Variants in C8orf34 observed in about 807,000 individuals in gnomAD.
C8orf34 encodes uncharacterized protein C8orf34.
In C8orf34, 65 loss-of-function variants were observed where a neutral mutation model predicts 68.3. That is an observed-to-expected ratio of 0.95 (90% CI 0.78 to 1.17). The LOEUF (loss-of-function observed/expected upper bound fraction) is 1.17. Among genes scored for constraint, C8orf34 ranks in the 50% most tolerant of loss-of-function variants. C8orf34 has a pLI of 0.00. For missense variants in C8orf34, 664 were observed against 655.4 expected, an observed-to-expected ratio of 1.01 and a Z score of -0.14; for synonymous variants, 244 against 241.2, an observed-to-expected ratio of 1.01 and a Z score of -0.11.
chr8:68,419,652 A>G (rs1400133927), intron 1 of C8orf34, among the ~76,000 whole-genome samples: 3 of 151,928 alleles, frequency 2.0e-5, no homozygotes, highest in East Asian at 3.9e-4. Flanking sequence ...GCAGCCATGA[A>G]AAATGATGAG....
intron 8 of C8orf34, 96 bp downstream of exon 8, chr8:68,640,607 C>A: frequency 8.1e-7 from 1 of 1,236,506 alleles, no homozygotes; most frequent in Non-Finnish European, 1.1e-6. Flanking sequence ...GTGTTAAGAA[C>A]ATCTTTTCCT....
intron 1 of C8orf34, among the ~76,000 whole-genome samples, chr8:68,400,647 A>G (rs1167387761): frequency 1.3e-5 from 2 of 152,090 alleles, no homozygotes; most frequent in Non-Finnish European, 2.9e-5. Context: ...AGCAGCCTCC[A>G]ACTCCTGGGC....
rs572910600 is a variant in C8orf34, at chr8:68,723,582, G to T, written c.1404+2145G>T. On this transcript the variant is annotated intron_variant, in intron 10 of 13. Transcript: ENST00000518698. ...AATGTTCTGCCATTTATAAACTTTA[G>T]TATTTCTCCATAACCTCATGATGTT... 7.9e-5 allele frequency among the ~76,000 whole-genome samples: 12 copies of T among 152,124 alleles called. No individual in the cohort carries two copies. The South Asian group carries it at 2.5e-3, about 32-fold the overall frequency.
At chr8:68,652,054 C>T (rs1470591540) in intron 8 of C8orf34, among the ~76,000 whole-genome samples, 1 of 152,078 alleles carries the variant, frequency 6.6e-6, no homozygotes, top group Non-Finnish European at 1.5e-5. Context: ...TGAGAAATAA[C>T]CATATTGGAA....
chr8:68,630,189 A>G (rs994746551), intron 7 of C8orf34, among the ~76,000 whole-genome samples: 1 of 152,122 alleles, frequency 6.6e-6, no homozygotes, highest in Non-Finnish European at 1.5e-5. Flanking sequence ...TAATTGAAAC[A>G]ATGTAATAAT....
intron 2 of C8orf34, among the ~76,000 whole-genome samples, chr8:68,440,965 C>G (rs1180327022): frequency 3.9e-5 from 6 of 152,062 alleles, no homozygotes; most frequent in African/African-American, 1.4e-4. Flanking sequence ...CCACCATACC[C>G]AGCTAGTTTT....
chr8:68,350,975 A>G (rs1806487826), intron 1 of C8orf34, among the ~76,000 whole-genome samples: 1 of 151,816 alleles, frequency 6.6e-6, no homozygotes, highest in Non-Finnish European at 1.5e-5. Context: ...GTTAGCATTG[A>G]TATGTGTGGA....
At chr8:68,642,174 T>C (rs376490190) in intron 8 of C8orf34, among the ~76,000 whole-genome samples, 67 of 152,270 alleles carry the variant, frequency 4.4e-4, no homozygotes, top group African/African-American at 1.5e-3. Flanking sequence ...AAGCACCAAG[T>C]TATTGTCTGA....
At chr8:68,535,568 GTT>G in intron 7 of C8orf34, 5 of 843,916 alleles carry the variant, frequency 5.9e-6, no homozygotes, top group Non-Finnish European at 7.1e-6. Context: ...ATTGACTCTT[GTT>G]TTGTTTATTA....
intron 1 of C8orf34, among the ~76,000 whole-genome samples, chr8:68,370,109 A>G (rs1807494505): frequency 6.6e-6 from 1 of 152,244 alleles, no homozygotes. Context: ...GCTGACCCCT[A>G]AATTTTCCCT....
At chr8:68,498,040 C>T (rs1328330865) in intron 5 of C8orf34, among the ~76,000 whole-genome samples, 1 of 152,148 alleles carries the variant, frequency 6.6e-6, no homozygotes, top group East Asian at 1.9e-4. Context: ...GTTGGTCAGG[C>T]TGCTCTCGAC....
intron 7 of C8orf34, among the ~76,000 whole-genome samples, chr8:68,634,270 A>C (rs545818549): frequency 4.5e-4 from 69 of 152,330 alleles, no homozygotes; most frequent in African/African-American, 1.5e-3. Flanking sequence ...AATAGAATGA[A>C]GGTCAGAGTA....
intron 12 of C8orf34, chr8:68,790,748 C>A: frequency 1.7e-6 from 1 of 594,392 alleles, no homozygotes; most frequent in Non-Finnish European, 3.0e-6. Flanking sequence ...CTAAACAAAT[C>A]AAATTCCAAA....
chr8:68,700,695 C>T (rs1288628734), intron 8 of C8orf34, among the ~76,000 whole-genome samples: 2 of 152,042 alleles, frequency 1.3e-5, no homozygotes, highest in Non-Finnish European at 2.9e-5. Context: ...GGTCTCATGC[C>T]AAATTACAGA....
upstream of C8orf34, among the ~76,000 whole-genome samples, chr8:68,330,554 T>C (rs560763460): frequency 1.4e-4 from 22 of 152,244 alleles, no homozygotes; most frequent in African/African-American, 5.1e-4. Context: ...CAGAAGGTGC[T>C]GAGGAGAGGC....
At chr8:68,804,463 T>C (rs1824425994) in intron 12 of C8orf34, among the ~76,000 whole-genome samples, 2 of 152,154 alleles carry the variant, frequency 1.3e-5, no homozygotes, top group African/African-American at 4.8e-5. Flanking sequence ...GTATCCCCTT[T>C]ATTAATTGCA....
intron 8 of C8orf34, among the ~76,000 whole-genome samples, chr8:68,663,068 C>A (rs975773986): frequency 6.6e-6 from 1 of 152,178 alleles, no homozygotes; most frequent in African/African-American, 2.4e-5. Context: ...CTTTTTCTTG[C>A]TCTCTGTACC....
At chr8:68,484,368 C>G (rs960691394) in intron 4 of C8orf34, among the ~76,000 whole-genome samples, 2 of 152,194 alleles carry the variant, frequency 1.3e-5, no homozygotes, top group African/African-American at 4.8e-5. Flanking sequence ...GGGCAGGACA[C>G]AAATCCAAAC....
At chr8:68,453,721 A>G (rs1357977273) in intron 3 of C8orf34, among the ~76,000 whole-genome samples, 1 of 151,978 alleles carries the variant, frequency 6.6e-6, no homozygotes, top group Non-Finnish European at 1.5e-5. Flanking sequence ...GAATATAGAG[A>G]TAGTTTAACT....
Sources: gnomAD v4.1 joint callset for allele counts (sites outside exome capture counted in the v4.1 genomes callset) on GRCh38, gnomAD v4.1.1 for gene constraint, MANE v1.5 for transcripts, NCBI Gene and HGNC (gene_info 2026-07-23, HGNC 2026-07-21) for gene names.